The following ABCC4 variants were observed in gnomAD, a reference collection of about 807,000 sequenced individuals.
ABCC4 encodes ATP-binding cassette sub-family C member 4.
A neutral mutation model predicts 168.5 loss-of-function variants in ABCC4; 102 were observed. The ratio of observed to expected loss-of-function variants is 0.61; its 90% CI spans 0.52 to 0.71. The LOEUF (loss-of-function observed/expected upper bound fraction) is 0.71, where lower values mean the gene tolerates loss of function less well. Ranked by LOEUF, ABCC4 falls within the 30% of genes least tolerant of loss-of-function variation. The pLI is 0.00. For missense variants in ABCC4, 1,402 were observed against 1,605.8 expected (o/e 0.87, Z 2.17); for synonymous variants, 617 against 590.7 (o/e 1.04, Z -0.65).
At position 95,021,546 on chromosome 13, in the gene ABCC4, T is replaced by C. The variant is rs760109766; in HGVS notation, c.*29A>G. On this transcript the variant is annotated 3_prime_UTR_variant, in exon 31 of 31. Coordinates refer to ENST00000645237, the MANE Select transcript of ABCC4 (RefSeq NM_005845.5). The stretch of plus-strand genomic sequence containing the variant: ...GTCCAAAAACTAGTGGAAAATGCCT[T>C]CGGAACGGACTTGACATTTTGGTTG... The C allele has an allele frequency of 2.0e-6, 3 of 1,524,676 alleles. No individual in the cohort carries two copies. The highest frequency in any genetic ancestry group is 1.8e-6 in the Non-Finnish European group (2 of 1,102,682). 94.4% of individuals were successfully genotyped at this position (1,524,676 alleles called of 1,614,324 possible). A position where few individuals can be genotyped will look rare whatever the true frequency, so the allele number is the denominator to read the frequency against.
chr13:95,022,843 C>T (rs1023758377), intron 30 of ABCC4, among the ~76,000 whole-genome samples: 1 of 152,194 alleles, frequency 6.6e-6, no homozygotes, highest in African/African-American at 2.4e-5. Flanking sequence ...CTTTTTCTCT[C>T]ACTTCTTGCA....
At chr13:95,185,764 T>C (rs1010848856) in intron 11 of ABCC4, among the ~76,000 whole-genome samples, 1 of 152,076 alleles carries the variant, frequency 6.6e-6, no homozygotes, top group Non-Finnish European at 1.5e-5. Flanking sequence ...CTATTAAGTA[T>C]GCTCAGTTTT....
At chr13:95,166,479 G>A (rs2037276012) in intron 14 of ABCC4, 112 bp from the exon 15 acceptor site, 7 of 905,326 alleles carry the variant, frequency 7.7e-6, no homozygotes, top group Non-Finnish European at 6.6e-6. Flanking sequence ...TTATACTTAG[G>A]TCCGGAATCC....
chr13:95,256,558 C>A (rs963071539), intron 1 of ABCC4, among the ~76,000 whole-genome samples: 2 of 152,276 alleles, frequency 1.3e-5, no homozygotes, highest in African/African-American at 4.8e-5. Flanking sequence ...TAGTTTGACA[C>A]CAGCCTGGAC....
At chr13:95,070,017 C>A (rs554146646) in intron 25 of ABCC4, among the ~76,000 whole-genome samples, 1 of 152,002 alleles carries the variant, frequency 6.6e-6, no homozygotes, top group South Asian at 2.1e-4. Context: ...TTAAGGTGGG[C>A]GGATCACTTT....
intron 9 of ABCC4, among the ~76,000 whole-genome samples, chr13:95,189,236 C>T (rs988408061): frequency 6.7e-6 from 1 of 149,902 alleles, no homozygotes; most frequent in Non-Finnish European, 1.5e-5. Flanking sequence ...CGGGTTCACG[C>T]CATTCTCCTG....
chr13:95,281,066 A>G lies in ABCC4; in HGVS notation c.74+20175T>C, dbSNP rs116582882. The stretch of plus-strand genomic sequence containing the variant: ...CACAGGGTTTTCCCAAAAGCCAGAT[A>G]GTTCAGGTAATTTGCATGTGGCTGT... On this transcript the variant is annotated intron_variant, in intron 1 of 30. Coordinates refer to ENST00000645237, the MANE Select transcript of ABCC4 (RefSeq NM_005845.5). 3.4e-3 allele frequency among the ~76,000 whole-genome samples: 524 copies of G among 152,094 alleles called. 5 individuals are homozygous for G. Among genetic ancestry groups the G allele is most frequent in the African/African-American group, 0.011 (476 of 41,476 alleles).
At chr13:95,201,279 G>GA (rs1302113463) in intron 8 of ABCC4, among the ~76,000 whole-genome samples, 3 of 151,926 alleles carry the variant, frequency 2.0e-5, no homozygotes, top group African/African-American at 4.8e-5. Context: ...ATTTTGGTGG[G>GA]AAAAAAATAA....
intron 19 of ABCC4, among the ~76,000 whole-genome samples, chr13:95,146,827 C>A (rs1381889544): frequency 6.6e-6 from 1 of 152,140 alleles, no homozygotes. Flanking sequence ...AGACACAGGG[C>A]AAGATTCCAA....
In ABCC4 at chr13:95,083,721, C is replaced by A. The variant is rs955693914; in HGVS notation, c.2536-431G>T. 2.0e-5 allele frequency among the ~76,000 whole-genome samples: 3 copies of A among 152,004 alleles called. No homozygotes were observed. The South Asian group carries it at 6.2e-4, about 32-fold the overall frequency. ...TATTTTTAGTAGAGATGGTGTTTCA[C>A]CATATTGGCCAGGCTGGTCTCGAAC... On this transcript the variant is annotated intron_variant, in intron 20 of 30. Coordinates refer to ENST00000645237, the MANE Select transcript of ABCC4 (RefSeq NM_005845.5).
chr13:95,145,019 A>C (rs1445366167), intron 19 of ABCC4, among the ~76,000 whole-genome samples: 1 of 152,166 alleles, frequency 6.6e-6, no homozygotes, highest in East Asian at 1.9e-4. Flanking sequence ...AAAGGACAAA[A>C]ACAGTCACCA....
intron 4 of ABCC4, among the ~76,000 whole-genome samples, chr13:95,218,986 AGTG>A (rs1167773643): frequency 0.057 from 6,214 of 108,750 alleles, 574 homozygotes; most frequent in African/African-American, 0.089. Context: ...AGAAAGAAAG[AGTG>A]AGAAAGAAAG....
intron 27 of ABCC4, among the ~76,000 whole-genome samples, chr13:95,045,207 T>C (rs2032526299): frequency 1.3e-5 from 2 of 152,216 alleles, no homozygotes; most frequent in Admixed American, 6.5e-5. Context: ...ATCTTTCTGG[T>C]TGAGTCAAGT....
At chr13:95,034,881 T>C (rs2032053159) in intron 29 of ABCC4, 142 bp from the exon 30 acceptor site, 1 of 1,133,674 alleles carries the variant, frequency 8.8e-7, no homozygotes, top group South Asian at 1.4e-5. Flanking sequence ...AATGGTTTGA[T>C]TACCCTGTTT....
At chr13:95,176,967 T>G (rs576437675) in intron 13 of ABCC4, among the ~76,000 whole-genome samples, 9 of 152,324 alleles carry the variant, frequency 5.9e-5, no homozygotes, top group Non-Finnish European at 1.2e-4. Flanking sequence ...CATGGCTCAG[T>G]GTCTAAGCAA....
intron 1 of ABCC4, among the ~76,000 whole-genome samples, chr13:95,259,430 G>C (rs973616442): frequency 6.6e-6 from 1 of 151,918 alleles, no homozygotes; most frequent in South Asian, 2.1e-4. Context: ...CTAAGGCAAG[G>C]TTTCTCAGCC....
At chr13:95,074,117 G>C (rs550729563) in intron 23 of ABCC4, 97 bp downstream of exon 23, 1 of 901,480 alleles carries the variant, frequency 1.1e-6, no homozygotes, top group Admixed American at 2.6e-5. Flanking sequence ...GGACCAAACA[G>C]TATGTAGTAG....
At position 95,074,337 on chromosome 13, in the gene ABCC4, A is replaced by G; in HGVS notation, c.2807-13T>C. 1 of 1,591,142 alleles carries G rather than the reference A, an allele frequency of 6.3e-7. No homozygotes were observed. On this transcript the variant is annotated splice_polypyrimidine_tract_variant and intron_variant, in intron 22 of 30. Coordinates refer to ENST00000645237, the MANE Select transcript of ABCC4 (RefSeq NM_005845.5). ...AAGAACCAAGCCTCTGAATTTGAGA[A>G]CGGTAATAAGCATGATGAATAAGTA...
At chr13:95,200,492 G>A (rs972582272) in intron 8 of ABCC4, among the ~76,000 whole-genome samples, 6 of 152,158 alleles carry the variant, frequency 3.9e-5, no homozygotes, top group Non-Finnish European at 2.9e-5. Flanking sequence ...GGAGGCCGAC[G>A]CGGGTGGATC....
Sources: allele counts gnomAD v4.1 joint callset (sites outside exome capture counted in the v4.1 genomes callset), GRCh38; gene constraint gnomAD v4.1.1; transcripts MANE v1.5; gene names NCBI Gene and HGNC (gene_info 2026-07-23, HGNC 2026-07-21).